The following EYS variants were observed in gnomAD, a reference collection of about 807,000 sequenced individuals.
The protein encoded by EYS is EGF-like photoreceptor maintenance factor.
EYS carries 250 observed loss-of-function variants against 282.1 expected under a neutral mutation model. The observed-to-expected ratio is 0.89, with a 90% CI of 0.80 to 0.98. EYS has a LOEUF of 0.98. Among genes scored for constraint, EYS ranks in the 50% least tolerant of loss-of-function variants. EYS has a pLI of 0.00. For synonymous variants in EYS, 1,355 were observed against 1,282.9 expected (o/e 1.06, Z -1.20); for missense variants, 4,016 against 3,709.0 (o/e 1.08, Z -2.15).
At chr6:65,545,247 T>C (rs1358628724) in intron 2 of EYS, among the ~76,000 whole-genome samples, 1 of 151,960 alleles carries the variant, frequency 6.6e-6, no homozygotes, top group Non-Finnish European at 1.5e-5. Flanking sequence ...TCTGTTTTTT[T>C]TTTTTCTCTG....
At chr6:64,605,738 A>T (rs1004357011) in intron 24 of EYS, among the ~76,000 whole-genome samples, 17 of 151,950 alleles carry the variant, frequency 1.1e-4, no homozygotes, top group African/African-American at 3.9e-4. Context: ...AAATTGTTTG[A>T]TCTTTCCTAC....
At chr6:64,306,669 G>A (rs993779522) in intron 30 of EYS, among the ~76,000 whole-genome samples, 14 of 152,104 alleles carry the variant, frequency 9.2e-5, no homozygotes, top group African/African-American at 3.1e-4. Context: ...TTGTCAGCAT[G>A]CTTCATTTTT....
At chr6:64,434,175 AGAG>A (rs1193836387) in intron 28 of EYS, among the ~76,000 whole-genome samples, 1 of 152,080 alleles carries the variant, frequency 6.6e-6, no homozygotes, top group Non-Finnish European at 1.5e-5. Flanking sequence ...ATGAAGACAC[AGAG>A]AGAATACAGC....
At chr6:64,325,536 T>C (rs1211261234) in intron 29 of EYS, among the ~76,000 whole-genome samples, 3 of 152,136 alleles carry the variant, frequency 2.0e-5, no homozygotes, top group African/African-American at 7.2e-5. Flanking sequence ...GTCTCACTAG[T>C]TCACCAGAAA....
intron 29 of EYS, among the ~76,000 whole-genome samples, chr6:64,381,236 G>A (rs1772739272): frequency 6.6e-6 from 1 of 152,004 alleles, no homozygotes; most frequent in African/African-American, 2.4e-5. Flanking sequence ...AAGGCATTAT[G>A]AGCAATGGTG....
At chr6:64,782,237 A>G (rs1562188935) in intron 22 of EYS, among the ~76,000 whole-genome samples, 1 of 152,242 alleles carries the variant, frequency 6.6e-6, no homozygotes, top group Non-Finnish European at 1.5e-5. Flanking sequence ...CTTAAATGCA[A>G]TTCAATGTAG....
intron 22 of EYS, among the ~76,000 whole-genome samples, chr6:64,763,401 A>G (rs1773224505): frequency 2.0e-5 from 3 of 152,158 alleles, no homozygotes; most frequent in Non-Finnish European, 4.4e-5. Flanking sequence ...GAGACAGAGC[A>G]AGGGGAGATG....
At position 63,806,160 on chromosome 6, in the gene EYS, G is replaced by A. The variant is rs1770903186; in HGVS notation, c.7411+30C>T. 4.6e-6 allele frequency: 7 copies of A among 1,520,508 alleles called. 1 individual carries two copies. The African/African-American group carries it at 8.3e-5, about 18-fold the overall frequency. The allele number at this position is 1,520,508 out of a possible 1,614,324, so 94.2% of individuals were successfully genotyped here. On this transcript the variant is annotated intron_variant, in intron 37 of 42. Transcript: ENST00000503581. The stretch of plus-strand genomic sequence containing the variant: ...TCTAAAGTATTCTTAAAGGAGCGAG[G>A]CAAGTCCTAGAGGGTTCAGTTAATC...
chr6:65,136,633 A>C (rs1007428434), intron 12 of EYS, among the ~76,000 whole-genome samples: 3 of 151,876 alleles, frequency 2.0e-5, no homozygotes, highest in Admixed American at 1.3e-4. Context: ...ATGCACTCAC[A>C]CATATATTAT....
intron 31 of EYS, among the ~76,000 whole-genome samples, chr6:64,194,699 G>A (rs891715702): frequency 5.3e-5 from 8 of 152,158 alleles, no homozygotes; most frequent in Admixed American, 4.6e-4. Flanking sequence ...TAGCAACAAC[G>A]TATATTCTAT....
chr6:65,150,619 T>C (rs1330280681), intron 12 of EYS, among the ~76,000 whole-genome samples: 1 of 152,114 alleles, frequency 6.6e-6, no homozygotes, highest in East Asian at 1.9e-4. Flanking sequence ...CTATTTCTCA[T>C]CATGTTTCCT....
At chr6:65,255,810 C>T (rs1268881516) in intron 12 of EYS, among the ~76,000 whole-genome samples, 1 of 151,846 alleles carries the variant, frequency 6.6e-6, no homozygotes, top group Non-Finnish European at 1.5e-5. Context: ...ATTATCTCAC[C>T]TCAGTTAAAA....
chr6:64,473,358 A>G (rs1371277078), intron 26 of EYS, among the ~76,000 whole-genome samples: 6 of 152,200 alleles, frequency 3.9e-5, no homozygotes, highest in Non-Finnish European at 8.8e-5. Context: ...GATGTAGCAC[A>G]CAAAATATTA....
chr6:64,784,653 T>C (rs1215815138), intron 22 of EYS, among the ~76,000 whole-genome samples: 1 of 152,200 alleles, frequency 6.6e-6, no homozygotes, highest in Non-Finnish European at 1.5e-5. Flanking sequence ...TCAGTTTTTA[T>C]ATTACTGCTT....
chr6:64,826,666 A>G (rs988093756), intron 19 of EYS, among the ~76,000 whole-genome samples: 2 of 135,614 alleles, frequency 1.5e-5, no homozygotes, highest in African/African-American at 5.6e-5. Context: ...CCTATTATAT[A>G]AATACATGAT....
chr6:65,129,561 A>T (rs1391402922), intron 12 of EYS, among the ~76,000 whole-genome samples: 1 of 152,096 alleles, frequency 6.6e-6, no homozygotes, highest in Non-Finnish European at 1.5e-5. Flanking sequence ...CATAAAAAAA[A>T]TGCTCATAAT....
chr6:64,643,081 C>T (rs975716133), intron 22 of EYS, among the ~76,000 whole-genome samples: 4 of 151,066 alleles, frequency 2.6e-5, no homozygotes, highest in African/African-American at 9.7e-5. Flanking sequence ...TGCCATTGCA[C>T]TCCAGCCTGG....
At chr6:65,622,755 C>CTT (rs35201653) in intron 2 of EYS, among the ~76,000 whole-genome samples, 4 of 143,168 alleles carry the variant, frequency 2.8e-5, no homozygotes, top group Admixed American at 7.0e-5. Flanking sequence ...AATAATCTTT[C>CTT]TTTTTTTTTT....
At chr6:65,320,505 T>C (rs1353751741) in intron 11 of EYS, among the ~76,000 whole-genome samples, 1 of 152,112 alleles carries the variant, frequency 6.6e-6, no homozygotes, top group East Asian at 1.9e-4. Context: ...ACTTCCCCTA[T>C]TGTAGATTTC....
Sources: allele counts gnomAD v4.1 joint callset (sites outside exome capture counted in the v4.1 genomes callset), GRCh38; gene constraint gnomAD v4.1.1; transcripts MANE v1.5; gene names NCBI Gene and HGNC (gene_info 2026-07-23, HGNC 2026-07-21).